Variants in AUTS2 observed in about 807,000 individuals in gnomAD.
The protein encoded by AUTS2 is autism susceptibility gene 2 protein.
A neutral mutation model predicts 112.4 loss-of-function variants in AUTS2; 17 were observed. The observed-to-expected ratio is 0.15, with a 90% CI of 0.10 to 0.23. AUTS2 has a LOEUF of 0.23. Ranked by LOEUF, AUTS2 falls within the 10% of genes least tolerant of loss-of-function variation. The pLI is 1.00. For missense variants in AUTS2, 1,510 were observed against 1,701.6 expected, an observed-to-expected ratio of 0.89 and a Z score of 1.98; for synonymous variants, 751 against 702.7, an observed-to-expected ratio of 1.07 and a Z score of -1.09.
At chr7:70,118,067 C>CAAAA in intron 2 of AUTS2, 65 bp from the exon 3 acceptor site, 2 of 1,518,122 alleles carry the variant, frequency 1.3e-6, no homozygotes, top group South Asian at 1.3e-5. Flanking sequence ...TGACAAGGAT[C>CAAAA]AAAAACAGGA....
intron 4 of AUTS2, among the ~76,000 whole-genome samples, chr7:70,231,637 G>A (rs192444687): frequency 1.1e-3 from 164 of 151,896 alleles, no homozygotes; most frequent in African/African-American, 3.6e-3. Context: ...TAGACACAGC[G>A]TTTCGCCATG....
chr7:69,722,266 A>G (rs1210019430), intron 1 of AUTS2, among the ~76,000 whole-genome samples: 3 of 152,130 alleles, frequency 2.0e-5, no homozygotes, highest in Admixed American at 6.5e-5. Flanking sequence ...TTTTTCTCAC[A>G]ATAGTAGTTA....
chr7:70,360,425 C>T (rs1413066728), intron 4 of AUTS2, among the ~76,000 whole-genome samples: 1 of 152,188 alleles, frequency 6.6e-6, no homozygotes, highest in African/African-American at 2.4e-5. Flanking sequence ...GAGGCATGAG[C>T]CACTAAGCTC....
chr7:70,495,448 T>C (rs1400496134), intron 5 of AUTS2, among the ~76,000 whole-genome samples: 1 of 151,976 alleles, frequency 6.6e-6, no homozygotes, highest in Non-Finnish European at 1.5e-5. Context: ...CAGTAAACAG[T>C]TGCTTACAGT....
chr7:69,694,122 G>C (rs1170737558), intron 1 of AUTS2, among the ~76,000 whole-genome samples: 1 of 152,184 alleles, frequency 6.6e-6, no homozygotes, highest in Non-Finnish European at 1.5e-5. Context: ...AGACTCGTGT[G>C]TGATTGTTGC....
At chr7:70,498,884 C>T (rs1052391620) in intron 5 of AUTS2, among the ~76,000 whole-genome samples, 8 of 152,156 alleles carry the variant, frequency 5.3e-5, no homozygotes, top group African/African-American at 1.4e-4. Context: ...ACAGTAACAG[C>T]GCCCTGTCAG....
chr7:69,673,449 A>G (rs1436059604), intron 1 of AUTS2, among the ~76,000 whole-genome samples: 2 of 152,216 alleles, frequency 1.3e-5, no homozygotes, highest in East Asian at 1.9e-4. Context: ...GCTTTCTGCC[A>G]TGTATATTTA....
intron 1 of AUTS2, among the ~76,000 whole-genome samples, chr7:69,752,622 G>T (rs1453369520): frequency 1.3e-5 from 2 of 152,120 alleles, no homozygotes; most frequent in Admixed American, 1.3e-4. Flanking sequence ...AAAATGAACG[G>T]TTTTTGAAAT....
intron 1 of AUTS2, among the ~76,000 whole-genome samples, chr7:69,654,629 G>T (rs1163338892): frequency 3.9e-5 from 6 of 152,210 alleles, no homozygotes; most frequent in Admixed American, 3.9e-4. Context: ...AAACTAGGCA[G>T]CCCAGTTCCA....
intron 4 of AUTS2, among the ~76,000 whole-genome samples, chr7:70,329,727 T>G (rs1258549083): frequency 1.3e-5 from 2 of 151,672 alleles, no homozygotes; most frequent in South Asian, 2.1e-4. Context: ...TTCACTTTCT[T>G]GATAATAAAT....
intron 2 of AUTS2, among the ~76,000 whole-genome samples, chr7:70,076,353 A>T (rs1803033654): frequency 6.6e-6 from 1 of 152,190 alleles, no homozygotes; most frequent in Admixed American, 6.5e-5. Context: ...CCTTAAGCAA[A>T]ATGATATATA....
chr7:69,891,996 G>A (rs374532095), intron 1 of AUTS2, among the ~76,000 whole-genome samples: 12 of 150,856 alleles, frequency 8.0e-5, no homozygotes, highest in Non-Finnish European at 1.3e-4. Flanking sequence ...GGTTTCACCC[G>A]TTAGTCAGGA....
intron 4 of AUTS2, chr7:70,293,366 G>A (rs1449904121): frequency 7.9e-5 from 12 of 152,118 alleles, no homozygotes; most frequent in African/African-American, 2.9e-4. Flanking sequence ...GTTTTTATCG[G>A]TTTTTCTGGT....
chr7:69,618,051 T>A (rs866980141), intron 1 of AUTS2, among the ~76,000 whole-genome samples: 7 of 152,324 alleles, frequency 4.6e-5, no homozygotes, highest in Admixed American at 6.5e-5. Flanking sequence ...GGTCACATTA[T>A]CATTATTTTA....
At chr7:70,590,685 TA>T (rs1802901919) in intron 5 of AUTS2, among the ~76,000 whole-genome samples, 9 of 152,286 alleles carry the variant, frequency 5.9e-5, no homozygotes, top group Admixed American at 2.0e-4. Context: ...ATGAACGTAT[TA>T]TCTCCTTGAG....
In AUTS2 at chr7:70,497,292, C is replaced by T. The variant is rs1396711702; in HGVS notation, c.690+61511C>T. 4.0e-5 allele frequency among the ~76,000 whole-genome samples: 6 copies of T among 150,404 alleles called. No homozygotes were observed. In the South Asian group the frequency reaches 8.5e-4, roughly 21 times the overall value. ...CACACACCCCCCACACACATGCACACGTCACATCAGCGTCGATCACACACC... is the reference window on the plus strand; with the variant it reads ...CACACACCCCCCACACACATGCACATGTCACATCAGCGTCGATCACACACC... On this transcript the variant is annotated intron_variant, in intron 5 of 18. Coordinates refer to ENST00000342771, the MANE Select transcript of AUTS2 (RefSeq NM_015570.4).
At chr7:70,477,616 A>C (rs1050509540) in intron 5 of AUTS2, among the ~76,000 whole-genome samples, 3 of 152,124 alleles carry the variant, frequency 2.0e-5, no homozygotes, top group African/African-American at 7.2e-5. Context: ...TTTGGTTGAC[A>C]TTTCCATAAT....
At chr7:70,496,512 G>A (rs1166380067) in intron 5 of AUTS2, among the ~76,000 whole-genome samples, 5 of 88,054 alleles carry the variant, frequency 5.7e-5, no homozygotes, top group Admixed American at 1.4e-4. Context: ...CATCAGCGTC[G>A]ATCACACACC....
At chr7:69,745,188 GA>G (rs1287115417) in intron 1 of AUTS2, among the ~76,000 whole-genome samples, 28 of 152,194 alleles carry the variant, frequency 1.8e-4, no homozygotes, top group Non-Finnish European at 3.2e-4. Flanking sequence ...CTCGTGTATA[GA>G]TTGGGCTGTA....
Sources: gnomAD v4.1 joint callset for allele counts (sites outside exome capture counted in the v4.1 genomes callset) on GRCh38, gnomAD v4.1.1 for gene constraint, MANE v1.5 for transcripts, NCBI Gene and HGNC (gene_info 2026-07-23, HGNC 2026-07-21) for gene names.